Variants in MIPOL1 observed in about 807,000 individuals in gnomAD.
The protein encoded by MIPOL1 is mirror-image polydactyly gene 1 protein.
In MIPOL1, 57 loss-of-function variants were observed where a neutral mutation model predicts 60.9. The observed-to-expected ratio is 0.94, with a 90% confidence interval of 0.76 to 1.17. MIPOL1 has a LOEUF of 1.17. Among genes scored for constraint, MIPOL1 ranks in the 50% most tolerant of loss-of-function variants. The pLI is 0.00. For missense variants in MIPOL1, 551 were observed against 511.6 expected, an observed-to-expected ratio of 1.08 and a Z score of -0.74; for synonymous variants, 179 against 168.8, an observed-to-expected ratio of 1.06 and a Z score of -0.47.
chr14:37,291,914 ATT>A (rs57230205), intron 7 of MIPOL1, among the ~76,000 whole-genome samples: 20,701 of 91,532 alleles, frequency 0.23, 1,905 homozygotes, highest in East Asian at 0.31. Context: ...AATGGCAATA[ATT>A]TTTTTTTTTT....
In MIPOL1 at chr14:37,528,636, A is replaced by G. The variant is rs566621090; in HGVS notation, c.1263-18269A>G. Reference sequence around the variant, plus strand: ...AAGTGTATTATCATAATATTCTCTAAGAGTGATCTAAGTTGCAAAAGCCAT... The same window carrying G: ...AAGTGTATTATCATAATATTCTCTAGGAGTGATCTAAGTTGCAAAAGCCAT... On this transcript the variant is annotated intron_variant, in intron 12 of 12. Transcript: ENST00000684589. Among the ~76,000 whole-genome samples the G allele has an allele frequency of 3.3e-5, 5 of 152,296 alleles. 1 individual carries two copies. Among genetic ancestry groups the G allele is most frequent in the Non-Finnish European group, 7.4e-5 (5 of 68,002 alleles).
chr14:37,246,013 T>C (rs967907606), intron 1 of MIPOL1, among the ~76,000 whole-genome samples: 4 of 152,158 alleles, frequency 2.6e-5, no homozygotes, highest in African/African-American at 7.2e-5. Flanking sequence ...TTTTGAAATA[T>C]GCCTATAATG....
At chr14:37,291,911 A>G (rs1266436747) in intron 7 of MIPOL1, among the ~76,000 whole-genome samples, 1 of 146,488 alleles carries the variant, frequency 6.8e-6, no homozygotes, top group Admixed American at 7.0e-5. Flanking sequence ...TACAATGGCA[A>G]TAATTTTTTT....
At chr14:37,214,968 C>T (rs192716727) in intron 1 of MIPOL1, among the ~76,000 whole-genome samples, 135 of 152,192 alleles carry the variant, frequency 8.9e-4, no homozygotes, top group African/African-American at 2.7e-3. Flanking sequence ...CGCAGTTATC[C>T]GGCGGCCTAA....
At chr14:37,225,455 G>A (rs1478913082) in intron 1 of MIPOL1, among the ~76,000 whole-genome samples, 1 of 152,176 alleles carries the variant, frequency 6.6e-6, no homozygotes, top group Non-Finnish European at 1.5e-5. Context: ...TGCACTTGCA[G>A]GCTCAACACC....
chr14:37,448,648 A>C (rs902308775), intron 11 of MIPOL1, among the ~76,000 whole-genome samples: 2 of 152,354 alleles, frequency 1.3e-5, no homozygotes, highest in Non-Finnish European at 2.9e-5. Context: ...ATCTTTACGA[A>C]GAAGTTAATG....
At chr14:37,453,108 C>T (rs1463397050) in intron 11 of MIPOL1, among the ~76,000 whole-genome samples, 1 of 152,104 alleles carries the variant, frequency 6.6e-6, no homozygotes, top group Non-Finnish European at 1.5e-5. Context: ...ATTATTAAGT[C>T]ATACATAGAG....
chr14:37,368,237 AT>A (rs1182869763), intron 9 of MIPOL1, among the ~76,000 whole-genome samples: 1 of 152,048 alleles, frequency 6.6e-6, no homozygotes, highest in African/African-American at 2.4e-5. Context: ...TGATTTTATA[AT>A]TGTATTATAT....
At chr14:37,462,956 C>T (rs2094556683) in intron 11 of MIPOL1, among the ~76,000 whole-genome samples, 1 of 152,160 alleles carries the variant, frequency 6.6e-6, no homozygotes, top group Non-Finnish European at 1.5e-5. Context: ...TACCTTATTC[C>T]AAAGTCACTT....
intron 12 of MIPOL1, among the ~76,000 whole-genome samples, chr14:37,521,099 G>A (rs1417684434): frequency 6.6e-6 from 1 of 151,680 alleles, no homozygotes; most frequent in Non-Finnish European, 1.5e-5. Flanking sequence ...ACCACGCCTG[G>A]CTAATTTTTG....
At chr14:37,422,694 C>A (rs1267334334) in intron 10 of MIPOL1, among the ~76,000 whole-genome samples, 161 bp from the exon 11 acceptor site, 1 of 150,992 alleles carries the variant, frequency 6.6e-6, no homozygotes, top group African/African-American at 2.4e-5. Context: ...ATTATTAATG[C>A]CTTTAGACTA....
Position 37,308,380 on chromosome 14 carries a change from A to G in MIPOL1, c.689A>G (p.Asn230Ser), listed in dbSNP as rs778939284. 3.1e-6 allele frequency: 5 copies of G among 1,588,046 alleles called. No homozygotes were observed. The South Asian group carries it at 4.7e-5, about 15-fold the overall frequency. The change falls in exon 9 of 13, where the codon AAT (asparagine) becomes AGT (serine). Residue 230 changes from asparagine to serine, a missense_variant. By Grantham distance (46) the Asn-to-Ser change is conservative (BLOSUM62 1). Transcript: ENST00000684589. Reference protein sequence around the residue: ...TLQELLNRINNADTGIAIQKN... With the variant: ...TLQELLNRINSADTGIAIQKN... ...CAGGAATTACTGAACAGAATAAACA[A>G]TGCAGACACAGGGATAGCTATTCAG... is the stretch of plus-strand genomic sequence containing the variant.
chr14:37,355,748 T>G (rs1163042576), intron 9 of MIPOL1, among the ~76,000 whole-genome samples: 1 of 149,692 alleles, frequency 6.7e-6, no homozygotes, highest in Non-Finnish European at 1.5e-5. Flanking sequence ...GCCTTGGTTT[T>G]CAGCTCCATC....
intron 12 of MIPOL1, among the ~76,000 whole-genome samples, chr14:37,527,386 C>G (rs1320928054): frequency 6.6e-6 from 1 of 151,974 alleles, no homozygotes; most frequent in Non-Finnish European, 1.5e-5. Context: ...TGTTTGTAAA[C>G]TTAGCCGTTG....
chr14:37,383,816 A>G (rs150864081), intron 10 of MIPOL1, among the ~76,000 whole-genome samples: 5 of 152,020 alleles, frequency 3.3e-5, no homozygotes, highest in African/African-American at 1.2e-4. Context: ...CAAATGTTTT[A>G]TATCTTATAT....
At chr14:37,447,696 T>C (rs2153571943) in intron 11 of MIPOL1, among the ~76,000 whole-genome samples, 2 of 152,288 alleles carry the variant, frequency 1.3e-5, no homozygotes, top group South Asian at 4.1e-4. Flanking sequence ...TGACTGGAGG[T>C]AATTCAGTGC....
chr14:37,281,291 C>G (rs1162295965), intron 6 of MIPOL1, among the ~76,000 whole-genome samples: 1 of 152,142 alleles, frequency 6.6e-6, no homozygotes, highest in Non-Finnish European at 1.5e-5. Flanking sequence ...GTTCTTGGCA[C>G]TTTGTTGAAA....
At chr14:37,446,224 C>T (rs1382825775) in intron 11 of MIPOL1, among the ~76,000 whole-genome samples, 3 of 152,108 alleles carry the variant, frequency 2.0e-5, no homozygotes, top group Non-Finnish European at 4.4e-5. Flanking sequence ...AACAAATTTT[C>T]AAGAAAAAAG....
chr14:37,545,815 C>A, intron 12 of MIPOL1: 1 of 475,186 alleles, frequency 2.1e-6, no homozygotes, highest in Admixed American at 4.2e-5. Context: ...CAGTGTCTAG[C>A]TCTGTGCTGT....
Sources: gnomAD v4.1 joint callset for allele counts (sites outside exome capture counted in the v4.1 genomes callset) on GRCh38, gnomAD v4.1.1 for gene constraint, MANE v1.5 for transcripts, NCBI Gene and HGNC (gene_info 2026-07-23, HGNC 2026-07-21) for gene names.